Variants in SIPA1L3 observed in about 807,000 individuals in gnomAD.
SIPA1L3 encodes signal-induced proliferation-associated 1-like protein 3.
A neutral mutation model predicts 150.1 loss-of-function variants in SIPA1L3; 59 were observed. The ratio of observed to expected loss-of-function variants is 0.39; its 90% CI spans 0.32 to 0.49. SIPA1L3 has a LOEUF of 0.49. Among genes scored for constraint, SIPA1L3 ranks in the 20% least tolerant of loss-of-function variants. SIPA1L3 has a pLI of 0.86. For missense variants in SIPA1L3, 2,211 were observed against 2,489.5 expected (o/e 0.89, Z 2.38); for synonymous variants, 1,070 against 1,077.6 (o/e 0.99, Z 0.14).
intron 9 of SIPA1L3, among the ~76,000 whole-genome samples, chr19:38,122,114 G>T (rs930196470): frequency 6.6e-6 from 1 of 151,950 alleles, no homozygotes; most frequent in Admixed American, 6.6e-5. Flanking sequence ...CCAGCTACTC[G>T]GGAGGCCGAG....
chr19:38,001,150 G>T lies in SIPA1L3; in HGVS notation c.-378-27939G>T, dbSNP rs139180065. 4.5e-3 allele frequency among the ~76,000 whole-genome samples: 684 copies of T among 151,742 alleles called. 8 individuals carry two copies. Among genetic ancestry groups the T allele is most frequent in the African/African-American group, 0.016 (660 of 41,370 alleles). ...GAATCATGTGAGCTTGGCTTCTGGGGAGGTTGGGTGGAGTTACTTCAGAAT... is the reference window on the plus strand; with the variant it reads ...GAATCATGTGAGCTTGGCTTCTGGGTAGGTTGGGTGGAGTTACTTCAGAAT... On this transcript the variant is annotated intron_variant, in intron 1 of 21. Coordinates refer to ENST00000222345, the MANE Select transcript of SIPA1L3 (RefSeq NM_015073.3).
intron 1 of SIPA1L3, among the ~76,000 whole-genome samples, chr19:37,918,903 T>C (rs1387800591): frequency 6.7e-6 from 1 of 149,556 alleles, no homozygotes; most frequent in African/African-American, 2.5e-5. Context: ...AATAAATAAA[T>C]AAATAAATAA....
intron 2 of SIPA1L3, among the ~76,000 whole-genome samples, chr19:38,068,260 A>G (rs1329941970): frequency 6.6e-6 from 1 of 151,692 alleles, no homozygotes; most frequent in Non-Finnish European, 1.5e-5. Flanking sequence ...CGATCTCCTG[A>G]CCTCGTGATC....
intron 15 of SIPA1L3, among the ~76,000 whole-genome samples, chr19:38,172,919 G>A (rs986791378): frequency 3.3e-5 from 5 of 152,050 alleles, no homozygotes; most frequent in Admixed American, 3.3e-4. Flanking sequence ...AGACCAGCCT[G>A]AGCAACATGG....
At chr19:37,984,399 A>C (rs530873668) in intron 1 of SIPA1L3, among the ~76,000 whole-genome samples, 8 of 152,284 alleles carry the variant, frequency 5.3e-5, no homozygotes, top group Non-Finnish European at 1.2e-4. Flanking sequence ...TAATGCTAAA[A>C]ATGTGCCATA....
chr19:38,035,980 C>CT (rs1019027550), intron 2 of SIPA1L3, among the ~76,000 whole-genome samples: 7 of 152,184 alleles, frequency 4.6e-5, no homozygotes, highest in Admixed American at 3.9e-4. Flanking sequence ...GTTCTGGGAG[C>CT]AGAGTTCATA....
At chr19:38,188,585 C>T (rs1260548446) in intron 16 of SIPA1L3, among the ~76,000 whole-genome samples, 1 of 152,036 alleles carries the variant, frequency 6.6e-6, no homozygotes, top group East Asian at 1.9e-4. Context: ...ATAAAACATG[C>T]ACAAGGTAAA....
chr19:38,082,429 G>T lies in SIPA1L3; in HGVS notation c.864G>T (p.Ala288=). ...KEKEKARKKP[A]RGLGGGDTVD... Reference sequence around the variant, plus strand: ...AGGAGAAGGCCCGGAAGAAACCTGCGCGGGGCCTCGGCGGCGGGGACACGG... The same window carrying T: ...AGGAGAAGGCCCGGAAGAAACCTGCTCGGGGCCTCGGCGGCGGGGACACGG... The change falls in exon 3 of 22, where the codon GCG becomes GCT. Residue 288 remains alanine, a synonymous_variant. Transcript: ENST00000222345. The T allele has an allele frequency of 6.3e-7, 1 of 1,592,910 alleles. No individual in the cohort carries two copies.
chr19:37,978,596 C>T (rs930241446), intron 1 of SIPA1L3, among the ~76,000 whole-genome samples: 2 of 152,192 alleles, frequency 1.3e-5, no homozygotes, highest in African/African-American at 4.8e-5. Context: ...GTTTGTCCTT[C>T]TATACCATGC....
At chr19:38,127,476 A>AT (rs1004397090) in intron 9 of SIPA1L3, among the ~76,000 whole-genome samples, 4 of 151,946 alleles carry the variant, frequency 2.6e-5, no homozygotes, top group African/African-American at 4.8e-5. Context: ...CAGAGATGTA[A>AT]TTTTTTTTAT....
At chr19:37,958,008 C>G (rs1405025793) in intron 1 of SIPA1L3, among the ~76,000 whole-genome samples, 5 of 152,114 alleles carry the variant, frequency 3.3e-5, no homozygotes, top group African/African-American at 1.2e-4. Context: ...GCCACCATAT[C>G]TGGCCTAAAA....
intron 2 of SIPA1L3, among the ~76,000 whole-genome samples, chr19:38,032,226 C>T (rs1005214356): frequency 2.0e-5 from 3 of 152,134 alleles, no homozygotes; most frequent in African/African-American, 7.2e-5. Context: ...CCTATGGGCT[C>T]ATAGATACTT....
intron 15 of SIPA1L3, among the ~76,000 whole-genome samples, chr19:38,175,795 T>C (rs1972422949): frequency 6.6e-6 from 1 of 152,204 alleles, no homozygotes; most frequent in Non-Finnish European, 1.5e-5. Flanking sequence ...ACTGTGTTGA[T>C]GGGAGCCAGG....
chr19:37,943,956 G>A (rs1450892669), intron 1 of SIPA1L3, among the ~76,000 whole-genome samples: 2 of 152,060 alleles, frequency 1.3e-5, no homozygotes, highest in Non-Finnish European at 2.9e-5. Flanking sequence ...GAAGCCACAC[G>A]CTGGCTGTAA....
intron 1 of SIPA1L3, among the ~76,000 whole-genome samples, chr19:37,987,843 GGCTGGACTA>G (rs1967399429): frequency 6.6e-6 from 1 of 152,246 alleles, no homozygotes; most frequent in South Asian, 2.1e-4. Flanking sequence ...TGGTGGGTGT[GGCTGGACTA>G]GCAAGTGGGG....
At chr19:38,165,046 TGAG>T (rs1191129739) in intron 15 of SIPA1L3, 140 bp downstream of exon 15, 53 of 847,468 alleles carry the variant, frequency 6.3e-5, no homozygotes, top group Non-Finnish European at 6.3e-5. Context: ...CTGACAGAAT[TGAG>T]GAGCTCGTGG....
chr19:38,169,047 A>T (rs1028163224), intron 15 of SIPA1L3, among the ~76,000 whole-genome samples: 1 of 152,172 alleles, frequency 6.6e-6, no homozygotes, highest in African/African-American at 2.4e-5. Flanking sequence ...GATTTTACAG[A>T]TACCACCTTG....
chr19:38,123,965 C>T (rs1219520084), intron 9 of SIPA1L3, among the ~76,000 whole-genome samples: 3 of 119,466 alleles, frequency 2.5e-5, no homozygotes, highest in African/African-American at 6.0e-5. Context: ...GCTGGCCGGG[C>T]GGGGGGCCAA....
chr19:38,035,823 G>T (rs1013595477), intron 2 of SIPA1L3, among the ~76,000 whole-genome samples: 1 of 152,158 alleles, frequency 6.6e-6, no homozygotes, highest in East Asian at 1.9e-4. Context: ...AGCCCTTACT[G>T]CATGTTGGAG....
Sources: allele counts gnomAD v4.1 joint callset (sites outside exome capture counted in the v4.1 genomes callset), GRCh38; gene constraint gnomAD v4.1.1; transcripts MANE v1.5; gene names NCBI Gene and HGNC (gene_info 2026-07-23, HGNC 2026-07-21).